The following FRMD4A variants were observed in gnomAD, a reference collection of about 807,000 sequenced individuals.
FRMD4A encodes FERM domain-containing protein 4A.
In FRMD4A, 29 loss-of-function variants were observed where a neutral mutation model predicts 129.1. The ratio of observed to expected loss-of-function variants is 0.22; its 90% CI spans 0.17 to 0.31. The LOEUF is 0.31. Ranked by LOEUF, FRMD4A falls within the 10% of genes least tolerant of loss-of-function variation. The pLI, the probability that FRMD4A is intolerant of heterozygous loss-of-function variation, is 1.00. For missense variants in FRMD4A, 1,272 were observed against 1,375.8 expected, an observed-to-expected ratio of 0.92 and a Z score of 1.19; for synonymous variants, 634 against 571.6, an observed-to-expected ratio of 1.11 and a Z score of -1.56.
intron 2 of FRMD4A, among the ~76,000 whole-genome samples, chr10:14,262,733 A>G (rs1173507331): frequency 2.0e-5 from 3 of 152,222 alleles, no homozygotes; most frequent in Non-Finnish European, 4.4e-5. Flanking sequence ...AGTAATGGGG[A>G]AAAACACAGA....
At chr10:13,872,374 G>A (rs771687789) in intron 2 of FRMD4A, among the ~76,000 whole-genome samples, 2 of 152,224 alleles carry the variant, frequency 1.3e-5, no homozygotes, top group Non-Finnish European at 1.5e-5. Flanking sequence ...CAGACAGGAC[G>A]CTTAGAAGCC....
intron 24 of FRMD4A, among the ~76,000 whole-genome samples, chr10:13,649,972 C>T (rs1478783421): frequency 6.6e-6 from 1 of 152,178 alleles, no homozygotes; most frequent in East Asian, 1.9e-4. Flanking sequence ...CAGCTTAGCC[C>T]TGGGCAGTCT....
intron 2 of FRMD4A, among the ~76,000 whole-genome samples, chr10:14,128,011 T>TTCCTTCCTTCCTTC (rs1564319745): frequency 2.1e-5 from 2 of 96,806 alleles, no homozygotes; most frequent in African/African-American, 9.1e-5. Flanking sequence ...TTTCTTTCTT[T>TTCCTTCCTTCCTTC]CTTCCTTCCT....
At chr10:13,994,975 G>A (rs34501347) in intron 2 of FRMD4A, among the ~76,000 whole-genome samples, 43,426 of 152,034 alleles carry the variant, frequency 0.29, 7,347 homozygotes, top group East Asian at 0.73. Context: ...GAGTGAACAG[G>A]AGCGCAGCCA....
chr10:13,831,181 C>T (rs1031492038), intron 3 of FRMD4A, among the ~76,000 whole-genome samples: 3 of 152,244 alleles, frequency 2.0e-5, no homozygotes, highest in Non-Finnish European at 2.9e-5. Flanking sequence ...CTCACTTCTA[C>T]AGTCCCTGTG....
chr10:13,678,150 C>A (rs925971834), intron 15 of FRMD4A, among the ~76,000 whole-genome samples: 1 of 152,108 alleles, frequency 6.6e-6, no homozygotes, highest in South Asian at 2.1e-4. Flanking sequence ...AAATTATTAT[C>A]ATTTCCAATA....
intron 2 of FRMD4A, among the ~76,000 whole-genome samples, chr10:14,298,155 G>A (rs543666841): frequency 7.2e-5 from 11 of 152,196 alleles, no homozygotes; most frequent in African/African-American, 1.4e-4. Flanking sequence ...GTTCCACAAG[G>A]CCTAAAATAT....
chr10:13,956,560 A>C (rs2095411352), intron 2 of FRMD4A, among the ~76,000 whole-genome samples: 1 of 152,218 alleles, frequency 6.6e-6, no homozygotes, highest in Non-Finnish European at 1.5e-5. Flanking sequence ...TGCACGGGTA[A>C]ATGGTGGAGT....
Position 14,231,319 on chromosome 10 carries a change from A to G in FRMD4A, c.45+98739T>C, listed in dbSNP as rs548430928. Among the ~76,000 whole-genome samples, 18 of 149,394 alleles carry G rather than the reference A, an allele frequency of 1.2e-4. No individual in the cohort carries two copies. In the East Asian group the frequency reaches 2.3e-3, roughly 19 times the overall value. The stretch of plus-strand genomic sequence containing the variant: ...TGACTTTTTCATAATAGCTATTCTG[A>G]CTGGTATGAGATGATATCTCATTGT... On this transcript the variant is annotated intron_variant, in intron 2 of 24. Coordinates refer to ENST00000357447, the MANE Select transcript of FRMD4A (RefSeq NM_018027.5).
intron 2 of FRMD4A, among the ~76,000 whole-genome samples, chr10:13,863,065 C>T (rs1345601712): frequency 2.0e-5 from 3 of 151,882 alleles, no homozygotes; most frequent in African/African-American, 7.3e-5. Context: ...GCAACCATTC[C>T]AATAATCAAC....
intron 2 of FRMD4A, among the ~76,000 whole-genome samples, chr10:14,270,327 G>C (rs1271656600): frequency 6.6e-6 from 1 of 152,144 alleles, no homozygotes; most frequent in Non-Finnish European, 1.5e-5. Context: ...CTGTCTCTCT[G>C]GAAAACCCTG....
intron 3 of FRMD4A, among the ~76,000 whole-genome samples, chr10:13,852,428 T>C (rs1371093337): frequency 6.6e-6 from 1 of 151,950 alleles, no homozygotes; most frequent in Non-Finnish European, 1.5e-5. Context: ...TTTCAGCATG[T>C]TGGCCAGGAT....
intron 2 of FRMD4A, among the ~76,000 whole-genome samples, chr10:14,110,130 A>T (rs1255445361): frequency 3.3e-5 from 5 of 149,686 alleles, no homozygotes; most frequent in East Asian, 1.9e-4. Context: ...TGCTGTAAAA[A>T]AAAAAAAAAA....
chr10:13,839,497 A>C (rs2093929332), intron 3 of FRMD4A, among the ~76,000 whole-genome samples: 1 of 152,212 alleles, frequency 6.6e-6, no homozygotes, highest in African/African-American at 2.4e-5. Flanking sequence ...CTGTAGATGT[A>C]GTTGTAAAGT....
At chr10:13,658,616 C>G (rs1462203616) in intron 21 of FRMD4A, among the ~76,000 whole-genome samples, 1 of 152,154 alleles carries the variant, frequency 6.6e-6, no homozygotes, top group East Asian at 1.9e-4. Context: ...AGCGGTGGCT[C>G]ACGTCTCTAA....
intron 12 of FRMD4A, among the ~76,000 whole-genome samples, chr10:13,716,403 G>A (rs893434397): frequency 1.3e-5 from 2 of 152,092 alleles, no homozygotes; most frequent in East Asian, 1.9e-4. Flanking sequence ...AAACAATGAC[G>A]GCAGATCACT....
intron 2 of FRMD4A, among the ~76,000 whole-genome samples, chr10:14,096,286 A>G (rs935756274): frequency 3.9e-5 from 6 of 152,196 alleles, no homozygotes; most frequent in African/African-American, 1.4e-4. Flanking sequence ...ACCAGACACC[A>G]GATCTGCTGT....
At chr10:14,215,394 G>A (rs1661597560) in intron 2 of FRMD4A, among the ~76,000 whole-genome samples, 1 of 152,106 alleles carries the variant, frequency 6.6e-6, no homozygotes, top group Admixed American at 6.6e-5. Context: ...GCAAGGTATT[G>A]TTAAAAAGTT....
intron 6 of FRMD4A, among the ~76,000 whole-genome samples, chr10:13,779,275 C>T (rs2092679855): frequency 6.6e-6 from 1 of 151,568 alleles, no homozygotes; most frequent in Non-Finnish European, 1.5e-5. Flanking sequence ...GAGATTATGC[C>T]ATTACACTAC....
Sources: gnomAD v4.1 joint callset for allele counts (sites outside exome capture counted in the v4.1 genomes callset) on GRCh38, gnomAD v4.1.1 for gene constraint, MANE v1.5 for transcripts, NCBI Gene and HGNC (gene_info 2026-07-23, HGNC 2026-07-21) for gene names.